The following WIPF2 variants were observed in gnomAD, a reference collection of about 807,000 sequenced individuals.
WIPF2 encodes WAS/WASL-interacting protein family member 2.
Under a neutral mutation model 38.8 loss-of-function variants are expected in WIPF2, and 23 were observed. The ratio of observed to expected loss-of-function variants is 0.59; its 90% CI spans 0.43 to 0.84. WIPF2 has a LOEUF of 0.84. Ranked by LOEUF, WIPF2 falls within the 40% of genes least tolerant of loss-of-function variation. The probability of loss-of-function intolerance (pLI) is 0.00; values close to 1 mark genes in which losing one functional copy is unlikely to be tolerated. For synonymous variants in WIPF2, 210 were observed against 223.2 expected (o/e 0.94, Z 0.53); for missense variants, 574 against 580.5 (o/e 0.99, Z 0.11).
In WIPF2 at chr17:40,270,673, G is replaced by A. The variant is rs532255987; in HGVS notation, c.971-3117G>A. ...GGAATATTTTTGAGGGCTTAAAGAAGCTTCTATTCTTAAAGAGCTTTAGTT... is the reference window on the plus strand; with the variant it reads ...GGAATATTTTTGAGGGCTTAAAGAAACTTCTATTCTTAAAGAGCTTTAGTT... On this transcript the variant is annotated intron_variant, in intron 5 of 7. Transcript: ENST00000323571. Among the ~76,000 whole-genome samples the A allele has an allele frequency of 5.3e-5, 8 of 152,234 alleles. No homozygotes were observed. In the South Asian group the frequency reaches 1.7e-3, roughly 32 times the overall value.
At chr17:40,233,598 C>T (rs879756968) in intron 1 of WIPF2, among the ~76,000 whole-genome samples, 4 of 151,834 alleles carry the variant, frequency 2.6e-5, no homozygotes, top group Non-Finnish European at 4.4e-5. Flanking sequence ...AGGTGTGCAC[C>T]GCTGCACCTG....
chr17:40,262,911 G>A (rs1173734772), intron 4 of WIPF2, among the ~76,000 whole-genome samples: 1 of 152,176 alleles, frequency 6.6e-6, no homozygotes, highest in Non-Finnish European at 1.5e-5. Flanking sequence ...TAATATGGAT[G>A]AACTTGGAGG....
In WIPF2 at chr17:40,256,393, A is replaced by G; in HGVS notation, c.-67A>G. 1 of 1,572,368 alleles carries G rather than the reference A, an allele frequency of 6.4e-7. No homozygotes were observed. The highest frequency in any genetic ancestry group is 8.6e-7 in the Non-Finnish European group (1 of 1,167,310). The stretch of plus-strand genomic sequence containing the variant: ...ATGAGTTTCTTTTTCATTTGCAGGT[A>G]TATGAATGACCTAAAGGTACAAATA... On this transcript the variant is annotated splice_region_variant and 5_prime_UTR_variant, in exon 2 of 8. Coordinates refer to ENST00000323571, the MANE Select transcript of WIPF2 (RefSeq NM_133264.5).
At position 40,230,174 on chromosome 17, in the gene WIPF2, C is replaced by G. The variant is rs182702690; in HGVS notation, c.-70+10682C>G. On this transcript the variant is annotated intron_variant, in intron 1 of 7. Coordinates refer to ENST00000323571, the MANE Select transcript of WIPF2 (RefSeq NM_133264.5). ...GCAACATAGGGAGACCCCCCAGTCT[C>G]TATATAATTAAAATATTAGCTGGGC... is the stretch of plus-strand genomic sequence containing the variant. Among the ~76,000 whole-genome samples, 3 of 152,174 alleles carry G rather than the reference C, an allele frequency of 2.0e-5. No individual in the cohort carries two copies. In the East Asian group the frequency reaches 5.8e-4, roughly 29 times the overall value.
chr17:40,226,220 T>G (rs1016310251), intron 1 of WIPF2, among the ~76,000 whole-genome samples: 2 of 150,686 alleles, frequency 1.3e-5, no homozygotes, highest in African/African-American at 4.9e-5. Context: ...TTTTTTTTTT[T>G]TGAGATGGAG....
intron 1 of WIPF2, among the ~76,000 whole-genome samples, chr17:40,235,548 A>G (rs1208710705): frequency 6.6e-6 from 1 of 150,974 alleles, no homozygotes; most frequent in Non-Finnish European, 1.5e-5. Context: ...GCTTTATGAA[A>G]GGAGTCTTTG....
chr17:40,278,299 T>G lies in WIPF2; in HGVS notation c.*74T>G. The G allele has an allele frequency of 3.2e-6, 5 of 1,553,318 alleles. No individual in the cohort carries two copies. The highest frequency in any genetic ancestry group is 4.4e-6 in the Non-Finnish European group (5 of 1,135,546). On this transcript the variant is annotated 3_prime_UTR_variant, in exon 8 of 8. Coordinates refer to ENST00000323571, the MANE Select transcript of WIPF2 (RefSeq NM_133264.5). The stretch of plus-strand genomic sequence containing the variant: ...TCTCAGATGGTCCCTTCCATTCCCC[T>G]GAAACCTGCATGAGAGCTCCTAACA...
intron 1 of WIPF2, among the ~76,000 whole-genome samples, chr17:40,237,305 A>G (rs1598472801): frequency 7.5e-6 from 1 of 133,586 alleles, no homozygotes; most frequent in South Asian, 2.3e-4. Context: ...CAGTGGTGCT[A>G]TCTCGGGTCA....
chr17:40,228,595 G>A (rs954691022), intron 1 of WIPF2, among the ~76,000 whole-genome samples: 2 of 151,656 alleles, frequency 1.3e-5, no homozygotes, highest in African/African-American at 4.8e-5. Context: ...GGTAGGGGAT[G>A]CAGGGGATGC....
intron 2 of WIPF2, among the ~76,000 whole-genome samples, chr17:40,258,714 A>C (rs1372051323): frequency 6.6e-6 from 1 of 152,000 alleles, no homozygotes; most frequent in Non-Finnish European, 1.5e-5. Context: ...GTTTAGCCAG[A>C]AAGAGAGGAG....
chr17:40,255,476 C>G (rs1032534797), intron 1 of WIPF2, among the ~76,000 whole-genome samples: 5 of 151,744 alleles, frequency 3.3e-5, no homozygotes, highest in African/African-American at 1.2e-4. Flanking sequence ...CAGGCATGTG[C>G]CACCATGCCC....
chr17:40,251,281 C>T (rs972068227), intron 1 of WIPF2, among the ~76,000 whole-genome samples: 1 of 151,784 alleles, frequency 6.6e-6, no homozygotes, highest in Admixed American at 6.6e-5. Context: ...TGATTAATCA[C>T]AGTTGGTTAG....
chr17:40,262,506 C>A lies in WIPF2; in HGVS notation c.197-19C>A. ...GCTGAGAGCATGTGAAATGAAAACC[C>A]TACTGGTATGCTTTCCAGAGCCGAA... On this transcript the variant is annotated intron_variant, in intron 3 of 7. Coordinates refer to ENST00000323571, the MANE Select transcript of WIPF2 (RefSeq NM_133264.5). The A allele has an allele frequency of 6.2e-7, 1 of 1,604,144 alleles. No homozygotes were observed. The highest frequency in any genetic ancestry group is 1.1e-5 in the South Asian group (1 of 90,704).
At chr17:40,238,907 G>T (rs528013362) in intron 1 of WIPF2, among the ~76,000 whole-genome samples, 1 of 150,794 alleles carries the variant, frequency 6.6e-6, no homozygotes, top group African/African-American at 2.4e-5. Context: ...CACCGTGCCC[G>T]GCCATTTATT....
At chr17:40,259,460 A>C (rs1483945047) in intron 2 of WIPF2, among the ~76,000 whole-genome samples, 1 of 151,830 alleles carries the variant, frequency 6.6e-6, no homozygotes, top group Non-Finnish European at 1.5e-5. Context: ...AGCAAAAAGC[A>C]AAAAAAGCAA....
At chr17:40,238,299 ATTATTTATTTGT>A (rs2031057060) in intron 1 of WIPF2, among the ~76,000 whole-genome samples, 1 of 151,794 alleles carries the variant, frequency 6.6e-6, no homozygotes, top group African/African-American at 2.4e-5. Flanking sequence ...TTCAATTTTT[ATTATTTATTTGT>A]TTATTTATTT....
At chr17:40,240,838 G>T (rs749755953) in intron 1 of WIPF2, among the ~76,000 whole-genome samples, 14 of 151,562 alleles carry the variant, frequency 9.2e-5, no homozygotes, top group Non-Finnish European at 2.1e-4. Flanking sequence ...CCAGCTACTC[G>T]GGAGGCTGAG....
intron 1 of WIPF2, among the ~76,000 whole-genome samples, chr17:40,252,059 C>T (rs1457669383): frequency 6.6e-6 from 1 of 152,074 alleles, no homozygotes; most frequent in Non-Finnish European, 1.5e-5. Context: ...TGAATAGCTG[C>T]AATTATAGGC....
rs1598507282 is a variant in WIPF2, at chr17:40,281,159, G to A, written c.*2934G>A. On this transcript the variant is annotated 3_prime_UTR_variant, in exon 8 of 8. Coordinates refer to ENST00000323571, the MANE Select transcript of WIPF2 (RefSeq NM_133264.5). Reference sequence around the variant, plus strand: ...GAAGATTGGGTGGTCTCATGTTGAGGCTGTTGCCCAGTCCCATTAACTCCC... The same window carrying A: ...GAAGATTGGGTGGTCTCATGTTGAGACTGTTGCCCAGTCCCATTAACTCCC... The A allele has an allele frequency of 6.6e-6, 1 of 152,122 alleles. No homozygotes were observed. The highest frequency in any genetic ancestry group is 6.6e-5 in the Admixed American group (1 of 15,252). 9.4% of individuals were successfully genotyped at this position (152,122 alleles called of 1,614,324 possible).
Sources: allele counts gnomAD v4.1 joint callset (sites outside exome capture counted in the v4.1 genomes callset), GRCh38; gene constraint gnomAD v4.1.1; transcripts MANE v1.5; gene names NCBI Gene and HGNC (gene_info 2026-07-23, HGNC 2026-07-21).